The following COLEC12 variants were observed in gnomAD, a reference collection of about 807,000 sequenced individuals.
COLEC12 encodes collectin subfamily member 12, also known as collectin-12.
A neutral mutation model predicts 71.1 loss-of-function variants in COLEC12; 33 were observed. The observed-to-expected ratio is 0.46, with a 90% CI of 0.35 to 0.62. The LOEUF (loss-of-function observed/expected upper bound fraction) is 0.62, where lower values mean the gene tolerates loss of function less well. Among genes scored for constraint, COLEC12 ranks in the 20% least tolerant of loss-of-function variants. The pLI, the probability that COLEC12 is intolerant of heterozygous loss-of-function variation, is 0.00. For missense variants in COLEC12, 765 were observed against 916.1 expected, an observed-to-expected ratio of 0.84 and a Z score of 2.13; for synonymous variants, 350 against 353.0, an observed-to-expected ratio of 0.99 and a Z score of 0.10.
chr18:420,899 T>C (rs1916086298), intron 2 of COLEC12, among the ~76,000 whole-genome samples: 1 of 151,636 alleles, frequency 6.6e-6, no homozygotes, highest in African/African-American at 2.4e-5. Flanking sequence ...ACCTGGCCCA[T>C]AGAACCCAGG....
chr18:428,532 T>C (rs1916240636), intron 2 of COLEC12, among the ~76,000 whole-genome samples: 1 of 152,238 alleles, frequency 6.6e-6, no homozygotes, highest in Non-Finnish European at 1.5e-5. Context: ...CCATCTGCTA[T>C]TATGCCTTAA....
chr18:445,582 A>C (rs537182874), intron 2 of COLEC12, among the ~76,000 whole-genome samples: 61 of 151,902 alleles, frequency 4.0e-4, no homozygotes, highest in African/African-American at 1.4e-3. Flanking sequence ...TATTTTCATC[A>C]CACCAAAAAT....
At position 347,125 on chromosome 18, in the gene COLEC12, G is replaced by T. The variant is rs1914399555; in HGVS notation, c.497C>A (p.Thr166Asn). ...ATACGCCTGGAGGGTTTTGTTTACA[G>T]TGGTGATGAGGAAAGAGTTATTCTC... The part of the protein sequence containing the change: ...TLENNSFLIT[T>N]VNKTLQAYNG... The change falls in exon 5 of 10, where the codon ACT becomes AAT. Residue 166 changes from threonine to asparagine, a missense_variant. Coordinates refer to ENST00000400256, the MANE Select transcript of COLEC12 (RefSeq NM_130386.3). 1.9e-6 allele frequency: 3 copies of T among 1,614,110 alleles called. No homozygotes were observed. The highest frequency in any genetic ancestry group is 2.7e-5 in the African/African-American group (2 of 74,944).
intron 2 of COLEC12, among the ~76,000 whole-genome samples, chr18:468,088 C>A (rs898866244): frequency 6.6e-6 from 1 of 151,874 alleles, no homozygotes; most frequent in Non-Finnish European, 1.5e-5. Context: ...ATGGTGAAAC[C>A]CCATCTCCAC....
At chr18:330,124 T>C (rs967972381) in intron 8 of COLEC12, among the ~76,000 whole-genome samples, 3 of 152,258 alleles carry the variant, frequency 2.0e-5, no homozygotes, top group African/African-American at 7.2e-5. Context: ...CTTATTCTGG[T>C]TTCCTCCTTT....
At position 387,702 on chromosome 18, in the gene COLEC12, G is replaced by T. The variant is rs567565551; in HGVS notation, c.59-30180C>A. Among the ~76,000 whole-genome samples the T allele has an allele frequency of 1.1e-4, 16 of 152,214 alleles. 2 individuals are homozygous for T. In the South Asian group the frequency reaches 2.5e-3, roughly 24 times the overall value. ...ATAACTCTTAAAAATAAATATGTAC[G>T]CTAGGAAAATTTGGGATCTTTGTTG... On this transcript the variant is annotated intron_variant, in intron 2 of 9. Coordinates refer to ENST00000400256, the MANE Select transcript of COLEC12 (RefSeq NM_130386.3).
intron 2 of COLEC12, among the ~76,000 whole-genome samples, chr18:383,991 T>C (rs1915289837): frequency 6.6e-6 from 1 of 152,122 alleles, no homozygotes; most frequent in Non-Finnish European, 1.5e-5. Flanking sequence ...TTCATTTCCA[T>C]GAGAACAGTA....
chr18:423,251 A>G (rs1476941399), intron 2 of COLEC12, among the ~76,000 whole-genome samples: 1 of 152,216 alleles, frequency 6.6e-6, no homozygotes, highest in Non-Finnish European at 1.5e-5. Context: ...CCTGGACAAG[A>G]GAGTGAGATC....
chr18:476,014 G>C (rs1221569776), intron 2 of COLEC12, among the ~76,000 whole-genome samples: 1 of 152,198 alleles, frequency 6.6e-6, no homozygotes, highest in Non-Finnish European at 1.5e-5. Context: ...AGGAAAGAAA[G>C]GGGAAAGTTA....
chr18:351,777 C>A (rs1178466153), intron 3 of COLEC12, among the ~76,000 whole-genome samples: 3 of 152,168 alleles, frequency 2.0e-5, no homozygotes, highest in African/African-American at 7.2e-5. Flanking sequence ...GGTACATGTG[C>A]ACAACGTGCA....
intron 2 of COLEC12, among the ~76,000 whole-genome samples, chr18:369,600 A>T (rs368486176): frequency 3.9e-5 from 6 of 152,190 alleles, no homozygotes; most frequent in African/African-American, 1.4e-4. Flanking sequence ...GTGCCCTCTT[A>T]CTAGTGATAT....
Position 443,565 on chromosome 18 carries a change from G to A in COLEC12, c.58+37142C>T, listed in dbSNP as rs115892362. On this transcript the variant is annotated intron_variant, in intron 2 of 9. Transcript: ENST00000400256. ...TGTTTGTGAACTTTAAGGTACTCTT[G>A]GCTTTAGATATGTGCCTGCATCCCC... Among the ~76,000 whole-genome samples the A allele has an allele frequency of 2.0e-3, 298 of 152,264 alleles. 1 individual carries two copies. The highest frequency in any genetic ancestry group is 6.6e-3 in the African/African-American group (274 of 41,548).
At chr18:380,165 G>A (rs1915199839) in intron 2 of COLEC12, among the ~76,000 whole-genome samples, 1 of 152,114 alleles carries the variant, frequency 6.6e-6, no homozygotes, top group Non-Finnish European at 1.5e-5. Flanking sequence ...TGGCATATGA[G>A]GCCTTCATGA....
At chr18:378,214 C>T (rs1296646341) in intron 2 of COLEC12, among the ~76,000 whole-genome samples, 1 of 152,144 alleles carries the variant, frequency 6.6e-6, no homozygotes, top group Non-Finnish European at 1.5e-5. Flanking sequence ...CAACACATTT[C>T]CCAGTGTTGG....
intron 2 of COLEC12, among the ~76,000 whole-genome samples, chr18:373,241 T>C (rs1002204605): frequency 1.3e-5 from 2 of 152,222 alleles, no homozygotes; most frequent in Non-Finnish European, 2.9e-5. Flanking sequence ...TGTAAGCTCA[T>C]CCTATTTGAT....
intron 1 of COLEC12, among the ~76,000 whole-genome samples, chr18:497,567 G>A (rs1567926804): frequency 6.6e-6 from 1 of 152,270 alleles, no homozygotes; most frequent in South Asian, 2.1e-4. Context: ...ACCAGGCCCA[G>A]ATAATTTTTG....
At chr18:486,231 G>C (rs60817934) in intron 1 of COLEC12, among the ~76,000 whole-genome samples, 7,084 of 151,996 alleles carry the variant, frequency 0.047, 319 homozygotes, top group East Asian at 0.2. Flanking sequence ...TGTCATCCAG[G>C]CTGGAGTGCA....
At chr18:382,379 A>G (rs1915252075) in intron 2 of COLEC12, among the ~76,000 whole-genome samples, 1 of 152,240 alleles carries the variant, frequency 6.6e-6, no homozygotes, top group Non-Finnish European at 1.5e-5. Context: ...TACTTTATAT[A>G]GTAAATTTAC....
In COLEC12 at chr18:318,391, A is replaced by G. The variant is rs1426438058; in HGVS notation, c.*1654T>C. 2 of 151,632 alleles carry G rather than the reference A, an allele frequency of 1.3e-5. No homozygotes were observed. The highest frequency in any genetic ancestry group is 4.8e-5 in the African/African-American group (2 of 41,250). 9.4% of individuals were successfully genotyped at this position (151,632 alleles called of 1,614,324 possible). A position where few individuals can be genotyped will look rare whatever the true frequency, so the allele number is the denominator to read the frequency against. ...GAAATCTTACCTTTGAGCATCAGTT[A>G]TATTTAATGCCTAGTTTCAGCCCTT... On this transcript the variant is annotated 3_prime_UTR_variant, in exon 10 of 10. Coordinates refer to ENST00000400256, the MANE Select transcript of COLEC12 (RefSeq NM_130386.3).
Sources: allele counts gnomAD v4.1 joint callset (sites outside exome capture counted in the v4.1 genomes callset), GRCh38; gene constraint gnomAD v4.1.1; transcripts MANE v1.5; gene names NCBI Gene and HGNC (gene_info 2026-07-23, HGNC 2026-07-21).